The following VWC2 variants were observed in gnomAD, a reference collection of about 807,000 sequenced individuals.
VWC2 encodes brorin.
Under a neutral mutation model 29.8 loss-of-function variants are expected in VWC2, and 14 were observed. The ratio of observed to expected loss-of-function variants is 0.47; its 90% CI spans 0.31 to 0.74. The LOEUF (loss-of-function observed/expected upper bound fraction) is 0.74. Among genes scored for constraint, VWC2 ranks in the 30% least tolerant of loss-of-function variants. VWC2 has a pLI of 0.05. For synonymous variants in VWC2, 213 were observed against 199.0 expected (o/e 1.07, Z -0.59); for missense variants, 457 against 459.8 (o/e 0.99, Z 0.05).
chr7:49,909,311 C>CA (rs1231671978), intron 3 of VWC2, among the ~76,000 whole-genome samples: 1 of 151,690 alleles, frequency 6.6e-6, no homozygotes, highest in Non-Finnish European at 1.5e-5. Context: ...TTTACCTCTG[C>CA]AAAAAAAGAT....
At chr7:49,842,899 T>A (rs1201146597) in intron 3 of VWC2, among the ~76,000 whole-genome samples, 4 of 152,324 alleles carry the variant, frequency 2.6e-5, no homozygotes, top group Middle Eastern at 3.4e-3. Flanking sequence ...CTGTTTTTTT[T>A]CCAACTTTTA....
chr7:49,904,920 G>A (rs1793004439), intron 3 of VWC2, among the ~76,000 whole-genome samples: 1 of 151,904 alleles, frequency 6.6e-6, no homozygotes, highest in Non-Finnish European at 1.5e-5. Flanking sequence ...ATTTTTAGTA[G>A]AGATGGGGTT....
chr7:49,911,946 CAT>C (rs1294749066), intron 3 of VWC2, 86 bp from the exon 4 acceptor site: 31,717 of 738,934 alleles, frequency 0.043, 5,059 homozygotes, highest in South Asian at 0.055. Context: ...CACACACACA[CAT>C]ATATATACTG....
At chr7:49,802,071 G>A (rs1788750240) in intron 2 of VWC2, among the ~76,000 whole-genome samples, 1 of 152,140 alleles carries the variant, frequency 6.6e-6, no homozygotes, top group South Asian at 2.1e-4. Context: ...TCAGCAGCAA[G>A]TTTTTATTTG....
At chr7:49,861,185 G>A (rs908922035) in intron 3 of VWC2, among the ~76,000 whole-genome samples, 3 of 151,978 alleles carry the variant, frequency 2.0e-5, no homozygotes, top group African/African-American at 4.8e-5. Flanking sequence ...TTTATTCTTC[G>A]TTATTGCTAT....
chr7:49,889,554 C>T (rs1342650275), intron 3 of VWC2, among the ~76,000 whole-genome samples: 1 of 152,104 alleles, frequency 6.6e-6, no homozygotes, highest in Non-Finnish European at 1.5e-5. Context: ...CAAGGCTGGT[C>T]AAAGGCGAGG....
At chr7:49,822,364 A>C (rs1042455671) in intron 3 of VWC2, among the ~76,000 whole-genome samples, 5 of 152,074 alleles carry the variant, frequency 3.3e-5, no homozygotes, top group Non-Finnish European at 7.4e-5. Context: ...GGTGCAGTTT[A>C]TTTCTCACCT....
intron 3 of VWC2, among the ~76,000 whole-genome samples, chr7:49,826,108 A>G (rs1307993322): frequency 6.6e-6 from 1 of 152,166 alleles, no homozygotes; most frequent in Non-Finnish European, 1.5e-5. Flanking sequence ...CCTTTGTTGT[A>G]ATCGTCTGTT....
At chr7:49,899,140 T>C (rs1295736091) in intron 3 of VWC2, among the ~76,000 whole-genome samples, 2 of 152,018 alleles carry the variant, frequency 1.3e-5, no homozygotes, top group South Asian at 2.1e-4. Context: ...ACAAAGGATA[T>C]GTTCTACAAC....
intron 3 of VWC2, among the ~76,000 whole-genome samples, chr7:49,834,460 G>A (rs577852803): frequency 1.3e-5 from 2 of 152,248 alleles, no homozygotes; most frequent in South Asian, 2.1e-4. Flanking sequence ...ATATATTCAT[G>A]CAACAAGTGA....
intron 3 of VWC2, among the ~76,000 whole-genome samples, chr7:49,863,284 T>C (rs1185550763): frequency 6.6e-6 from 1 of 152,242 alleles, no homozygotes; most frequent in African/African-American, 2.4e-5. Context: ...CAATCCTTTC[T>C]ATTTCTGTGA....
chr7:49,829,909 C>G (rs1487359142), intron 3 of VWC2, among the ~76,000 whole-genome samples: 1 of 152,228 alleles, frequency 6.6e-6, no homozygotes, highest in African/African-American at 2.4e-5. Flanking sequence ...GGAAGCAGAA[C>G]TTCACGTTGA....
At chr7:49,831,440 C>G (rs1253440881) in intron 3 of VWC2, among the ~76,000 whole-genome samples, 1 of 152,134 alleles carries the variant, frequency 6.6e-6, no homozygotes, top group Admixed American at 6.5e-5. Flanking sequence ...CATGTAGGGA[C>G]TTCAGGGGAG....
At chr7:49,785,890 G>A in intron 2 of VWC2, among the ~76,000 whole-genome samples, 1 of 152,104 alleles carries the variant, frequency 6.6e-6, no homozygotes, top group East Asian at 1.9e-4. Flanking sequence ...TTAGGAAGAA[G>A]GAAAATGATC....
At chr7:49,819,752 G>T (rs558260181) in intron 3 of VWC2, among the ~76,000 whole-genome samples, 165 of 152,292 alleles carry the variant, frequency 1.1e-3, no homozygotes, top group Admixed American at 3.5e-3. Flanking sequence ...GGGGGCCCGT[G>T]GGGGAGGGCA....
intron 3 of VWC2, among the ~76,000 whole-genome samples, chr7:49,840,348 C>T (rs1477675464): frequency 2.6e-5 from 4 of 152,156 alleles, no homozygotes; most frequent in Non-Finnish European, 5.9e-5. Flanking sequence ...AGATCATCAG[C>T]AGTGCTGAGG....
At chr7:49,878,464 A>G (rs1388237274) in intron 3 of VWC2, among the ~76,000 whole-genome samples, 1 of 152,126 alleles carries the variant, frequency 6.6e-6, no homozygotes, top group African/African-American at 2.4e-5. Context: ...TAATTCTTAA[A>G]TAATGTATTT....
chr7:49,901,887 A>AGCTAACACTGTTTGCTAACT (rs1562762966), intron 3 of VWC2, among the ~76,000 whole-genome samples: 4 of 151,978 alleles, frequency 2.6e-5, no homozygotes, highest in African/African-American at 9.7e-5. Flanking sequence ...GTTTGCTAAC[A>AGCTAACACTGTTTGCTAACT]CTGTTAGCTA....
intron 2 of VWC2, among the ~76,000 whole-genome samples, chr7:49,782,317 A>G (rs1465579672): frequency 6.6e-6 from 1 of 152,280 alleles, no homozygotes; most frequent in East Asian, 1.9e-4. Flanking sequence ...AATTCACCTT[A>G]GAAAATTAGT....
Sources: allele counts gnomAD v4.1 joint callset (sites outside exome capture counted in the v4.1 genomes callset), GRCh38; gene constraint gnomAD v4.1.1; transcripts MANE v1.5; gene names NCBI Gene and HGNC (gene_info 2026-07-23, HGNC 2026-07-21).